The following LNX1 variants were observed in gnomAD, a reference collection of about 807,000 sequenced individuals.
The protein encoded by LNX1 is ligand of numb-protein X 1, also known as E3 ubiquitin-protein ligase LNX.
A neutral mutation model predicts 68.4 loss-of-function variants in LNX1; 54 were observed. That is an observed-to-expected ratio of 0.79 (90% CI 0.63 to 0.99). LNX1 has a LOEUF of 0.99. LNX1 is among the 50% of genes least tolerant of loss of function. LNX1 has a pLI of 0.00. For synonymous variants in LNX1, 336 were observed against 350.0 expected, an observed-to-expected ratio of 0.96 and a Z score of 0.45; for missense variants, 906 against 926.4, an observed-to-expected ratio of 0.98 and a Z score of 0.29.
intron 2 of LNX1, among the ~76,000 whole-genome samples, chr4:53,599,519 C>T (rs918411752): frequency 7.2e-5 from 11 of 152,156 alleles, no homozygotes; most frequent in African/African-American, 2.2e-4. Context: ...ATGGAGTAGC[C>T]GTTCTTTTAT....
chr4:53,567,077 A>G (rs1730749766), intron 2 of LNX1, among the ~76,000 whole-genome samples: 1 of 146,578 alleles, frequency 6.8e-6, no homozygotes, highest in Admixed American at 6.9e-5. Flanking sequence ...TCAACATTAG[A>G]CAGATCAACG....
chr4:53,497,826 T>C (rs1044285860), intron 5 of LNX1, among the ~76,000 whole-genome samples: 1 of 152,200 alleles, frequency 6.6e-6, no homozygotes, highest in African/African-American at 2.4e-5. Context: ...TTATTTCTCC[T>C]CTTATTCCAA....
chr4:53,642,115 G>C (rs1734708829), intron 1 of LNX1, among the ~76,000 whole-genome samples: 1 of 151,656 alleles, frequency 6.6e-6, no homozygotes, highest in African/African-American at 2.4e-5. Context: ...CCAGCTACTT[G>C]GGAGGCTAAG....
Position 53,476,800 on chromosome 4 carries a change from T to C in LNX1, c.1845A>G (p.Pro615=), listed in dbSNP as rs755265343. The part of the protein sequence containing the change: ...AALDSNHNMA[P]PSDWSPSWVM... ...CCCAGGATGGGGACCAGTCACTGGG[T>C]GGGGCCATGTTGTGGTTGGAGTCCA... Residue 615 remains proline, a synonymous_variant, in exon 9 of 11, where the codon CCA becomes CCG. Coordinates refer to ENST00000263925, the MANE Select transcript of LNX1 (RefSeq NM_001126328.3). The C allele has an allele frequency of 1.2e-6, 2 of 1,613,966 alleles. No homozygotes were observed. Among genetic ancestry groups the C allele is most frequent in the African/African-American group, 2.7e-5 (2 of 74,884 alleles).
At chr4:53,560,342 A>T (rs932982663) in intron 2 of LNX1, among the ~76,000 whole-genome samples, 5 of 152,212 alleles carry the variant, frequency 3.3e-5, no homozygotes, top group African/African-American at 1.2e-4. Flanking sequence ...GATGAAATTA[A>T]TTAATTAATG....
intron 2 of LNX1, among the ~76,000 whole-genome samples, chr4:53,572,865 A>G (rs1453139542): frequency 6.6e-6 from 1 of 152,166 alleles, no homozygotes; most frequent in Non-Finnish European, 1.5e-5. Context: ...AATTGCTTGG[A>G]AGACAAAAGT....
At chr4:53,595,707 G>T (rs1732720997), upstream of LNX1, among the ~76,000 whole-genome samples, 1 of 152,106 alleles carries the variant, frequency 6.6e-6, no homozygotes, top group Non-Finnish European at 1.5e-5. Context: ...TATATATCTT[G>T]ACAGGGAAAT....
chr4:53,584,163 G>GT (rs1553941133), intron 1 of LNX1, among the ~76,000 whole-genome samples: 2 of 151,914 alleles, frequency 1.3e-5, no homozygotes, highest in South Asian at 2.1e-4. Context: ...TGTTGTTGTT[G>GT]TTTTTTTTAA....
upstream of LNX1, among the ~76,000 whole-genome samples, chr4:53,620,606 A>G (rs765982655): frequency 9.9e-5 from 15 of 152,230 alleles, no homozygotes; most frequent in Non-Finnish European, 1.6e-4. Flanking sequence ...TACAACGTGC[A>G]TTGCTCCACT....
chr4:53,573,839 G>A lies in LNX1; in HGVS notation c.164C>T (p.Pro55Leu), dbSNP rs746336204. ...GAGGGTGCAGTAGGTGTGTCCACAC[G>A]GAGTGTCCAGGGGGTCCAGCAAAGC... ...LQALLDPLDTPCGHTYCTLCL... is the reference protein window; with the variant it reads ...LQALLDPLDTLCGHTYCTLCL... The change falls in exon 2 of 11, where the codon CCG becomes CTG. Residue 55 changes from proline to leucine, a missense_variant. By Grantham distance (98) the Pro-to-Leu change is moderately conservative. Coordinates refer to ENST00000263925, the MANE Select transcript of LNX1 (RefSeq NM_001126328.3). 9.2e-5 allele frequency: 148 copies of A among 1,613,542 alleles called. No homozygotes were observed. The highest frequency in any genetic ancestry group is 1.2e-4 in the Admixed American group (7 of 59,966).
upstream of LNX1, among the ~76,000 whole-genome samples, chr4:53,594,960 C>T (rs1410250742): frequency 6.6e-5 from 10 of 152,218 alleles, no homozygotes; most frequent in Admixed American, 1.3e-4. Flanking sequence ...GATCCTCCCA[C>T]CTCGGCCTCC....
chr4:53,472,122 C>T (rs138792232), intron 9 of LNX1, among the ~76,000 whole-genome samples: 4,480 of 152,144 alleles, frequency 0.029, 102 homozygotes, highest in Non-Finnish European at 0.043. Flanking sequence ...ATTAAGAAAA[C>T]GTGGTACATA....
At chr4:53,513,104 ATTTTT>A (rs5858218) in intron 2 of LNX1, among the ~76,000 whole-genome samples, 1 of 150,810 alleles carries the variant, frequency 6.6e-6, no homozygotes, top group Non-Finnish European at 1.5e-5. Flanking sequence ...CATACCAACA[ATTTTT>A]TTTTTTAACT....
At chr4:53,530,728 T>C (rs960332730) in intron 2 of LNX1, among the ~76,000 whole-genome samples, 3 of 152,198 alleles carry the variant, frequency 2.0e-5, no homozygotes, top group Non-Finnish European at 4.4e-5. Flanking sequence ...GATAGTTTCA[T>C]TGACTATGGC....
chr4:53,576,096 C>T (rs539037422), intron 1 of LNX1: 3 of 1,551,926 alleles, frequency 1.9e-6, no homozygotes, highest in Non-Finnish European at 2.6e-6. Flanking sequence ...ACTTGGCCAG[C>T]GTGGTATTTG....
intron 1 of LNX1, chr4:53,579,350 A>T: frequency 1.3e-6 from 1 of 786,670 alleles, no homozygotes; most frequent in Non-Finnish European, 1.5e-6. Context: ...CTGGAATAGG[A>T]CAGAAACCAG....
intron 2 of LNX1, among the ~76,000 whole-genome samples, chr4:53,542,793 T>G (rs1168813980): frequency 6.6e-6 from 1 of 152,182 alleles, no homozygotes; most frequent in Non-Finnish European, 1.5e-5. Flanking sequence ...TGCATTTAAA[T>G]CTGTATTCGG....
At chr4:53,625,844 C>CGT (rs59366709) in intron 1 of LNX1, among the ~76,000 whole-genome samples, 18,291 of 144,034 alleles carry the variant, frequency 0.13, 1,244 homozygotes, top group East Asian at 0.28. Flanking sequence ...AATTCCACCC[C>CGT]GTGTGTGTGT....
At chr4:53,567,414 GA>G (rs2109758934) in intron 2 of LNX1, among the ~76,000 whole-genome samples, 1 of 151,488 alleles carries the variant, frequency 6.6e-6, no homozygotes, top group South Asian at 2.1e-4. Flanking sequence ...ATAACGAAAT[GA>G]AGGCAGAAAT....
Sources: allele counts gnomAD v4.1 joint callset (sites outside exome capture counted in the v4.1 genomes callset), GRCh38; gene constraint gnomAD v4.1.1; transcripts MANE v1.5; gene names NCBI Gene and HGNC (gene_info 2026-07-23, HGNC 2026-07-21).